PKHD1L1: variants seen among roughly 807,000 people sequenced by gnomAD.
The protein encoded by PKHD1L1 is PKHD1 like 1, also known as fibrocystin-L.
In PKHD1L1, 434 loss-of-function variants were observed where a neutral mutation model predicts 462.9. The ratio of observed to expected loss-of-function variants is 0.94; its 90% confidence interval spans 0.87 to 1.02. PKHD1L1 has a LOEUF of 1.02. Ranked by LOEUF, PKHD1L1 falls within the 50% of genes least tolerant of loss-of-function variation. The pLI, the probability that PKHD1L1 is intolerant of heterozygous loss-of-function variation, is 0.00. For missense variants in PKHD1L1, 5,202 were observed against 5,096.1 expected, an observed-to-expected ratio of 1.02 and a Z score of -0.63; for synonymous variants, 1,781 against 1,750.0, an observed-to-expected ratio of 1.02 and a Z score of -0.44.
intron 71 of PKHD1L1, among the ~76,000 whole-genome samples, chr8:109,513,038 A>G (rs1346941739): frequency 6.6e-6 from 1 of 151,592 alleles, no homozygotes. Context: ...ATTTTTGTAC[A>G]TTGATTTTGT....
chr8:109,436,283 T>C (rs1815402939), intron 29 of PKHD1L1, 55 bp from the exon 30 acceptor site: 1 of 1,541,250 alleles, frequency 6.5e-7, no homozygotes. Context: ...CTAACATTTC[T>C]TTTTGTTATA....
chr8:109,384,267 G>C, intron 5 of PKHD1L1, 140 bp downstream of exon 5: 1 of 697,306 alleles, frequency 1.4e-6, no homozygotes, highest in Non-Finnish European at 2.3e-6. Context: ...AGCCAGGCGC[G>C]GTGGCTCATG....
intron 2 of PKHD1L1, among the ~76,000 whole-genome samples, chr8:109,372,515 G>A (rs1167335372): frequency 6.6e-6 from 1 of 152,112 alleles, no homozygotes; most frequent in Non-Finnish European, 1.5e-5. Context: ...CTGCCTGGTT[G>A]CCCTGGCCAG....
intron 47 of PKHD1L1, among the ~76,000 whole-genome samples, chr8:109,460,382 C>T (rs1197355999): frequency 6.6e-6 from 1 of 151,918 alleles, no homozygotes; most frequent in Non-Finnish European, 1.5e-5. Context: ...TTAATTAATT[C>T]CTAGACTGAT....
intron 73 of PKHD1L1, among the ~76,000 whole-genome samples, chr8:109,520,137 A>G (rs1278317690): frequency 6.6e-6 from 1 of 152,064 alleles, no homozygotes; most frequent in African/African-American, 2.4e-5. Context: ...AGAAGAGCGT[A>G]GGAAGCCTAG....
At chr8:109,367,948 A>T (rs1030221247) in intron 2 of PKHD1L1, among the ~76,000 whole-genome samples, 9 of 152,160 alleles carry the variant, frequency 5.9e-5, no homozygotes, top group African/African-American at 2.2e-4. Context: ...GGAGATATAG[A>T]TACATGATTT....
chr8:109,448,133 T>C lies in PKHD1L1; in HGVS notation c.5777-10T>C, dbSNP rs761312132. The C allele has an allele frequency of 2.5e-6, 4 of 1,580,510 alleles. No individual in the cohort carries two copies. The Admixed American group carries it at 5.5e-5, about 22-fold the overall frequency. ...ATATATTTATATTGTGTGCTTTTTT[T>C]TTTTTTAAGGTCCACCAGGAACTGA... On this transcript the variant is annotated splice_polypyrimidine_tract_variant and intron_variant, in intron 38 of 77. Coordinates refer to ENST00000378402, the MANE Select transcript of PKHD1L1 (RefSeq NM_177531.6).
At chr8:109,515,039 C>T in intron 71 of PKHD1L1, 131 bp from the exon 72 acceptor site, 1 of 670,154 alleles carries the variant, frequency 1.5e-6, no homozygotes, top group Non-Finnish European at 2.3e-6. Context: ...TTTAGTTCAT[C>T]CCTTATCCCA....
intron 21 of PKHD1L1, among the ~76,000 whole-genome samples, chr8:109,414,972 T>C (rs950941869): frequency 1.4e-5 from 1 of 73,934 alleles, no homozygotes; most frequent in Non-Finnish European, 2.8e-5. Flanking sequence ...ATTATTATTA[T>C]TATTATTATT....
chr8:109,365,795 GA>G (rs1401386378), intron 2 of PKHD1L1, among the ~76,000 whole-genome samples: 1 of 152,154 alleles, frequency 6.6e-6, no homozygotes, highest in Non-Finnish European at 1.5e-5. Flanking sequence ...CCAACATGGT[GA>G]AACCCCGTCT....
intron 24 of PKHD1L1, 145 bp downstream of exon 24, chr8:109,425,377 A>C (rs1814690373): frequency 2.1e-6 from 1 of 486,322 alleles, no homozygotes; most frequent in African/African-American, 2.0e-5. Flanking sequence ...ATAAGTAAAT[A>C]TGTGATATAT....
Position 109,451,059 on chromosome 8 carries a change from T to C in PKHD1L1, c.6260T>C (p.Val2087Ala), listed in dbSNP as rs1442677675. Reference protein sequence around the residue: ...SQSMTPFTYAVSLTPLITAVS... With the variant: ...SQSMTPFTYAASLTPLITAVS... ...TCCATGACTCCGTTTACGTACGCAG[T>C]GTCACTGACTCCACTCATCACTGCA... is the stretch of plus-strand genomic sequence containing the variant. The change falls in exon 41 of 78, where the codon GTG becomes GCG. Residue 2087 changes from valine to alanine, a missense_variant. Val to Ala is a moderately conservative substitution (Grantham distance 64). This residue lies in a region of PKHD1L1 where 4,497 missense variants were observed against 4,336.8 expected (regional missense o/e 1.04). Coordinates refer to ENST00000378402, the MANE Select transcript of PKHD1L1 (RefSeq NM_177531.6). 6.2e-7 allele frequency: 1 copy of C among 1,613,858 alleles called. No homozygotes were observed. Among genetic ancestry groups the C allele is most frequent in the Admixed American group, 1.7e-5 (1 of 60,012 alleles).
chr8:109,372,925 T>A (rs1432008652), intron 2 of PKHD1L1, among the ~76,000 whole-genome samples: 1 of 152,210 alleles, frequency 6.6e-6, no homozygotes, highest in Non-Finnish European at 1.5e-5. Flanking sequence ...TATTGAGGAT[T>A]TTTGCATCAA....
rs1892761 is a variant in PKHD1L1 at position 109,536,836 on chromosome 8, T to G, written c.*6746T>G. On this transcript the variant is annotated 3_prime_UTR_variant, in exon 78 of 78. Coordinates refer to ENST00000378402, the MANE Select transcript of PKHD1L1 (RefSeq NM_177531.6). Reference sequence around the variant, plus strand: ...TATGAGGAAAAATTTATTTAAATGCTTCATAGAAAGTTAATTTTCATTTAA... The same window carrying G: ...TATGAGGAAAAATTTATTTAAATGCGTCATAGAAAGTTAATTTTCATTTAA... Among the ~76,000 whole-genome samples, 27,271 of 152,162 alleles carry G rather than the reference T, an allele frequency of 0.18. 2,616 individuals carry two copies. The highest frequency in any genetic ancestry group is 0.37 in the South Asian group (1,771 of 4,814).
chr8:109,394,757 T>C (rs1011110986), intron 10 of PKHD1L1, among the ~76,000 whole-genome samples: 1 of 152,194 alleles, frequency 6.6e-6, no homozygotes, highest in African/African-American at 2.4e-5. Context: ...TGTTTCAACT[T>C]TGGCTATTGG....
chr8:109,441,816 A>G (rs1294055960), intron 34 of PKHD1L1, among the ~76,000 whole-genome samples, 191 bp from the exon 35 acceptor site: 1 of 151,652 alleles, frequency 6.6e-6, no homozygotes, highest in African/African-American at 2.4e-5. Flanking sequence ...AATTTTTCTT[A>G]TCTTCTTATT....
In PKHD1L1 at chr8:109,461,772, G is replaced by A. The variant is rs1426935952; in HGVS notation, c.7247G>A (p.Gly2416Glu). 3 of 1,604,470 alleles carry A rather than the reference G, an allele frequency of 1.9e-6. No homozygotes were observed. The highest frequency in any genetic ancestry group is 2.6e-6 in the Non-Finnish European group (3 of 1,176,048). The change falls in exon 48 of 78, where the codon GGA becomes GAA. Residue 2416 changes from glycine to glutamate, a missense_variant and splice_region_variant. Around this residue, in one of 3 missense-constraint regions of PKHD1L1, gnomAD observed 4,497 missense variants for 4,336.8 expected, o/e 1.04. Transcript: ENST00000378402. ...TGATGCTTTAAAAACTGTTTTGAAG[G>A]AGAATTTGCTACACAGACCTGTCTC... ...IPACPDGFDT[G>E]EFATQTCLQG... is the part of the protein sequence containing the mutation.
chr8:109,500,369 AC>A (rs1819337868), intron 67 of PKHD1L1, among the ~76,000 whole-genome samples: 1 of 150,928 alleles, frequency 6.6e-6, no homozygotes, highest in Non-Finnish European at 1.5e-5. Context: ...AATGGCTCAG[AC>A]CCTCATTCCT....
rs1586640823 is a variant in PKHD1L1 at position 109,506,971 on chromosome 8, C to T, written c.10995-692C>T. Among the ~76,000 whole-genome samples, 6 of 152,150 alleles carry T rather than the reference C, an allele frequency of 3.9e-5. 1 individual carries two copies. The highest frequency in any genetic ancestry group is 3.9e-4 in the Admixed American group (6 of 15,270). ...ACACTCCAGGTAACTCAAGATGAGG[C>T]CAAAATACCATCTACATTTGAACTG... On this transcript the variant is annotated intron_variant, in intron 68 of 77. Coordinates refer to ENST00000378402, the MANE Select transcript of PKHD1L1 (RefSeq NM_177531.6).
Sources: allele counts gnomAD v4.1 joint callset (sites outside exome capture counted in the v4.1 genomes callset), GRCh38; gene constraint gnomAD v4.1.1; regional missense constraint gnomAD v4.1.1; transcripts MANE v1.5; gene names NCBI Gene and HGNC (gene_info 2026-07-23, HGNC 2026-07-21).